AGAP1: variants seen among roughly 807,000 people sequenced by gnomAD.
The protein encoded by AGAP1 is ArfGAP with GTPase domain, ankyrin repeat and PH domain 1, also known as arf-GAP with GTPase, ANK repeat and PH domain-containing protein 1.
Under a neutral mutation model 105.3 loss-of-function variants are expected in AGAP1, and 29 were observed. That is an observed-to-expected ratio of 0.28 (90% CI 0.21 to 0.38). The LOEUF (loss-of-function observed/expected upper bound fraction) is 0.38. AGAP1 is among the 10% of genes least tolerant of loss of function. AGAP1 has a pLI of 1.00. For missense variants in AGAP1, 998 were observed against 1,165.1 expected, an observed-to-expected ratio of 0.86 and a Z score of 2.09; for synonymous variants, 509 against 485.9, an observed-to-expected ratio of 1.05 and a Z score of -0.63.
rs1180060952 is a variant in AGAP1 at position 235,993,010 on chromosome 2, T to C, written c.1645+24387T>C. Among the ~76,000 whole-genome samples, 1 of 152,194 alleles carries C rather than the reference T, an allele frequency of 6.6e-6. No homozygotes were observed. The highest frequency in any genetic ancestry group is 2.4e-5 in the African/African-American group (1 of 41,448). ...TTTCATGAAAGATAGTAGCAAAAGT[T>C]ATTGTTATACGTTACAAAAAACCAG... On this transcript the variant is annotated intron_variant, in intron 13 of 17. Coordinates refer to ENST00000304032, the MANE Select transcript of AGAP1 (RefSeq NM_001037131.3). The surrounding 1 kb of genome is among the most constrained non-coding windows in gnomAD (Gnocchi z 5.0).
intron 1 of AGAP1, among the ~76,000 whole-genome samples, chr2:235,650,132 T>G (rs1947532332): frequency 6.6e-6 from 1 of 152,062 alleles, no homozygotes; most frequent in Non-Finnish European, 1.5e-5. Flanking sequence ...GAGGCCAAGG[T>G]GGGTGGATCA....
At chr2:236,084,636 C>T (rs2058875847) in intron 16 of AGAP1, among the ~76,000 whole-genome samples, 1 of 152,168 alleles carries the variant, frequency 6.6e-6, no homozygotes, top group Non-Finnish European at 1.5e-5. Context: ...GGCACGGTAG[C>T]TCATGCCTGT....
chr2:235,702,450 A>G (rs890400270), intron 1 of AGAP1, among the ~76,000 whole-genome samples: 5 of 152,174 alleles, frequency 3.3e-5, no homozygotes, highest in Middle Eastern at 3.2e-3. Context: ...CAGCCTGGGA[A>G]GGTGGGGCTT....
In AGAP1 at chr2:235,737,085, A is replaced by G. The variant is rs565703383; in HGVS notation, c.311-3878A>G. Among the ~76,000 whole-genome samples the G allele has an allele frequency of 5.2e-4, 79 of 152,316 alleles. No homozygotes were observed. The highest frequency in any genetic ancestry group is 1.8e-3 in the African/African-American group (76 of 41,578). On this transcript the variant is annotated intron_variant, in intron 3 of 17. Coordinates refer to ENST00000304032, the MANE Select transcript of AGAP1 (RefSeq NM_001037131.3). The surrounding 1 kb of genome is among the most constrained non-coding windows in gnomAD (Gnocchi z 4.5). ...AGACTTCTCAAGGCCCAGTGGTCCT[A>G]TTGAGCTGAACCTGCTCCCATCAGT...
At chr2:235,990,310 G>T (rs1487858467) in intron 13 of AGAP1, among the ~76,000 whole-genome samples, 1 of 152,196 alleles carries the variant, frequency 6.6e-6, no homozygotes, top group Non-Finnish European at 1.5e-5. Flanking sequence ...GCACCTTCCA[G>T]CAGAGTTCCC....
chr2:235,986,115 T>C (rs1208673116), intron 13 of AGAP1, among the ~76,000 whole-genome samples: 3 of 152,200 alleles, frequency 2.0e-5, no homozygotes, highest in South Asian at 2.1e-4. Context: ...GGAGTTTTTT[T>C]CCATATTTTT....
chr2:235,778,132 G>A (rs1293439706), intron 6 of AGAP1, among the ~76,000 whole-genome samples: 7 of 152,078 alleles, frequency 4.6e-5, no homozygotes, highest in Admixed American at 4.6e-4. Flanking sequence ...TGGCCCCTCT[G>A]TCCCTGGCTC....
At chr2:235,807,882 T>G (rs535558993) in intron 9 of AGAP1, among the ~76,000 whole-genome samples, 2 of 152,220 alleles carry the variant, frequency 1.3e-5, no homozygotes, top group Admixed American at 6.5e-5. Flanking sequence ...GACCTTATTA[T>G]ATAAAGGAAC....
At chr2:235,675,751 G>A (rs1357842349) in intron 1 of AGAP1, among the ~76,000 whole-genome samples, 1 of 152,156 alleles carries the variant, frequency 6.6e-6, no homozygotes, top group Non-Finnish European at 1.5e-5. Flanking sequence ...GTCAGCCAGG[G>A]AACCTTCTAA....
rs1184834285 is a variant in AGAP1, at chr2:235,659,452, T to C, written c.164-49727T>C. Among the ~76,000 whole-genome samples the C allele has an allele frequency of 6.6e-6, 1 of 152,160 alleles. No homozygotes were observed. Among genetic ancestry groups the C allele is most frequent in the East Asian group, 1.9e-4 (1 of 5,194 alleles). ...GGGCAGGCTGAGCCTGTCACCTTTT[T>C]CAAAATTTCCAACAACTGTGGCTTC... On this transcript the variant is annotated intron_variant, in intron 1 of 17. Coordinates refer to ENST00000304032, the MANE Select transcript of AGAP1 (RefSeq NM_001037131.3). The surrounding 1 kb of genome is among the most constrained non-coding windows in gnomAD (Gnocchi z 5.0).
chr2:235,607,829 G>T (rs181257394), intron 1 of AGAP1, among the ~76,000 whole-genome samples: 120 of 152,302 alleles, frequency 7.9e-4, no homozygotes, highest in African/African-American at 2.7e-3. Flanking sequence ...AGTCACTATC[G>T]GGGAACGTTC....
chr2:236,084,229 G>GA (rs1415759707), intron 16 of AGAP1, among the ~76,000 whole-genome samples: 1 of 151,074 alleles, frequency 6.6e-6, no homozygotes, highest in African/African-American at 2.4e-5. Context: ...AGGGCGGGGG[G>GA]GGGTCTCTGC....
chr2:235,566,471 T>C lies in AGAP1; in HGVS notation c.163+71622T>C. 4.8e-6 allele frequency: 3 copies of C among 621,490 alleles called. No individual in the cohort carries two copies. Among genetic ancestry groups the C allele is most frequent in the Non-Finnish European group, 6.0e-6 (3 of 497,896 alleles). The allele number at this position is 621,490 out of a possible 1,614,324, so 38.5% of individuals were successfully genotyped here. ...CGAGATCAATATTGATTTACTGTTT[T>C]GTTTTTTTATTTCCAGATAAGCATT... On this transcript the variant is annotated intron_variant, in intron 1 of 17. Transcript: ENST00000304032. The surrounding 1 kb of genome is among the most constrained non-coding windows in gnomAD (Gnocchi z 5.2).
intron 6 of AGAP1, among the ~76,000 whole-genome samples, chr2:235,762,140 A>G (rs988537136): frequency 6.6e-6 from 1 of 152,034 alleles, no homozygotes; most frequent in Non-Finnish European, 1.5e-5. Context: ...ATTGCAGAGA[A>G]TATGGACATA....
Position 236,080,042 on chromosome 2 carries a change from G to A in AGAP1, c.2114+30761G>A. ...CATTTCCCAGGTCCCAGTGCCCATA[G>A]CTGTGATGTAGTCAGGGCCCCATGG... is the stretch of plus-strand genomic sequence containing the variant. On this transcript the variant is annotated intron_variant, in intron 16 of 17. Coordinates refer to ENST00000304032, the MANE Select transcript of AGAP1 (RefSeq NM_001037131.3). This position sits in a 1 kb window ranked among gnomAD's most constrained non-coding sequence, Gnocchi z 4.2. Among the ~76,000 whole-genome samples, 1 of 152,242 alleles carries A rather than the reference G, an allele frequency of 6.6e-6. No individual in the cohort carries two copies. Among genetic ancestry groups the A allele is most frequent in the East Asian group, 1.9e-4 (1 of 5,194 alleles).
intron 3 of AGAP1, among the ~76,000 whole-genome samples, chr2:235,738,111 G>T (rs921558345): frequency 2.6e-5 from 4 of 152,138 alleles, no homozygotes; most frequent in Non-Finnish European, 4.4e-5. Context: ...GGGAAGGAGG[G>T]ACTGAGGCCG....
At chr2:235,909,212 G>C (rs950009673) in intron 11 of AGAP1, among the ~76,000 whole-genome samples, 4 of 152,284 alleles carry the variant, frequency 2.6e-5, no homozygotes, top group African/African-American at 9.6e-5. Context: ...TCTGAAAAAC[G>C]TGAATTAACG....
rs2149126576 is a variant in AGAP1, at chr2:235,556,474, A to G, written c.163+61625A>G. Among the ~76,000 whole-genome samples, 1 of 152,318 alleles carries G rather than the reference A, an allele frequency of 6.6e-6. No homozygotes were observed. The highest frequency in any genetic ancestry group is 3.4e-3 in the Middle Eastern group (1 of 294). On this transcript the variant is annotated intron_variant, in intron 1 of 17. Coordinates refer to ENST00000304032, the MANE Select transcript of AGAP1 (RefSeq NM_001037131.3). This position sits in a 1 kb window ranked among gnomAD's most constrained non-coding sequence, Gnocchi z 5.3. ...GGCAGTCTTGGGGGACTTTGGGGTG[A>G]CACAAACCAGAGAAGGGCTTCAGCA...
At chr2:235,817,833 G>T (rs1958544853) in intron 9 of AGAP1, among the ~76,000 whole-genome samples, 1 of 152,204 alleles carries the variant, frequency 6.6e-6, no homozygotes, top group South Asian at 2.1e-4. Context: ...GGAGGTTGCA[G>T]TGGGCTGCGA....
Sources: gnomAD v4.1 joint callset for allele counts (sites outside exome capture counted in the v4.1 genomes callset) on GRCh38, gnomAD v4.1.1 for gene constraint, Gnocchi (gnomAD v3.1) non-coding constraint, MANE v1.5 for transcripts, NCBI Gene and HGNC (gene_info 2026-07-23, HGNC 2026-07-21) for gene names.